Variants in PHB2 observed in about 807,000 individuals in gnomAD.
The protein encoded by PHB2 is prohibitin-2.
In PHB2, 22 loss-of-function variants were observed where a neutral mutation model predicts 46.4. The observed-to-expected ratio is 0.47, with a 90% CI of 0.34 to 0.68. PHB2 has a LOEUF of 0.68. PHB2 is among the 30% of genes least tolerant of loss of function. The probability of loss-of-function intolerance (pLI) is 0.01; values close to 1 mark genes in which losing one functional copy is unlikely to be tolerated. For missense variants in PHB2, 305 were observed against 382.8 expected (o/e 0.80, Z 1.70); for synonymous variants, 156 against 150.5 (o/e 1.04, Z -0.27).
intron 2 of PHB2, 193 bp downstream of exon 2, chr12:6,970,003 A>T: frequency 1.4e-6 from 1 of 702,724 alleles, no homozygotes. Flanking sequence ...ACAAGGAGAG[A>T]TTCTCTTGTC....
At position 6,967,320 on chromosome 12, in the gene PHB2, C is replaced by G. The variant is rs2138302319; in HGVS notation, c.712-72G>C. The G allele has an allele frequency of 6.2e-7, 1 of 1,611,632 alleles. No homozygotes were observed. Among genetic ancestry groups the G allele is most frequent in the Non-Finnish European group, 8.5e-7 (1 of 1,178,292 alleles). ...CCTGTCCTTACCACACTCCCTTGCTCCAGTCCTCCTCTGGGCTGTCAGATC... is the reference window on the plus strand; with the variant it reads ...CCTGTCCTTACCACACTCCCTTGCTGCAGTCCTCCTCTGGGCTGTCAGATC... On this transcript the variant is annotated intron_variant, in intron 6 of 9. Transcript: ENST00000535923. The surrounding 1 kb of genome is among the most constrained non-coding windows in gnomAD (Gnocchi z 4.9).
chr12:6,968,231 G>A (rs1555151233), intron 4 of PHB2, among the ~76,000 whole-genome samples, 180 bp downstream of exon 4: 2 of 152,192 alleles, frequency 1.3e-5, no homozygotes, highest in African/African-American at 2.4e-5. Flanking sequence ...TCCTAACACC[G>A]AGTGCTATCG....
intron 4 of PHB2, 143 bp from the exon 5 acceptor site, chr12:6,968,164 C>G (rs1369564120): frequency 8.5e-6 from 7 of 822,064 alleles, no homozygotes; most frequent in Admixed American, 2.9e-5. Flanking sequence ...GTAACATAAG[C>G]CTCTCTGCTC....
chr12:6,970,733 C>T (rs782477805), upstream of PHB2: 362 of 937,286 alleles, frequency 3.9e-4, 4 homozygotes, highest in South Asian at 4.6e-3. Flanking sequence ...GAACTTCGCG[C>T]ACAGGAATCG....
intron 2 of PHB2, 77 bp downstream of exon 2, chr12:6,970,119 G>A: frequency 9.4e-7 from 1 of 1,060,250 alleles, no homozygotes; most frequent in Non-Finnish European, 1.5e-6. Flanking sequence ...GAATCCTGTT[G>A]CACGTCCGAC....
intron 8 of PHB2, 96 bp from the exon 9 acceptor site, chr12:6,966,012 T>A: frequency 7.6e-7 from 1 of 1,316,616 alleles, no homozygotes; most frequent in Non-Finnish European, 1.1e-6. Flanking sequence ...GAACCCTCCT[T>A]TGCTCCCAAG....
rs1946213765 is a variant in PHB2, at chr12:6,966,504, C to T, written c.790-4G>A. 6.3e-7 allele frequency: 1 copy of T among 1,593,990 alleles called. No homozygotes were observed. Among genetic ancestry groups the T allele is most frequent in the Non-Finnish European group, 8.6e-7 (1 of 1,161,566 alleles). On this transcript the variant is annotated splice_region_variant and splice_polypyrimidine_tract_variant and intron_variant, in intron 7 of 9. Coordinates refer to ENST00000535923, the MANE Select transcript of PHB2 (RefSeq NM_001144831.2). The stretch of plus-strand genomic sequence containing the variant: ...TACGATTCTGTGATGTGGCGATCTA[C>T]AGGGCAGGAAATAAGACAGATGCTT...
intron 3 of PHB2, chr12:6,968,857 C>G: frequency 4.0e-6 from 2 of 503,466 alleles, no homozygotes; most frequent in African/African-American, 1.9e-5. Context: ...TGTGCAACCT[C>G]TAACGTGGGC....
rs868934123 is a variant in PHB2, at chr12:6,968,122, T to C, written c.478-101A>G. 5.1e-5 allele frequency: 54 copies of C among 1,065,938 alleles called. No individual in the cohort carries two copies. In the South Asian group the frequency reaches 7.0e-4, roughly 14 times the overall value. The allele number at this position is 1,065,938 out of a possible 1,614,324, so 66.0% of individuals were successfully genotyped here. A position where few individuals can be genotyped will look rare whatever the true frequency, so the allele number is the denominator to read the frequency against. On this transcript the variant is annotated intron_variant, in intron 4 of 9. Coordinates refer to ENST00000535923, the MANE Select transcript of PHB2 (RefSeq NM_001144831.2). ...CTAACCCTTCACTCTCAATACAACA[T>C]GCACTGCCTTAGCTTCCTGTCAGGC...
upstream of PHB2, chr12:6,970,711 C>T: frequency 1.0e-6 from 1 of 954,608 alleles, no homozygotes; most frequent in Non-Finnish European, 1.5e-6. Flanking sequence ...CCCCTTAGCC[C>T]ACTACGGACC....
At position 6,967,184 on chromosome 12, in the gene PHB2, T is replaced by C. The variant is rs781904815; in HGVS notation, c.776A>G (p.Asn259Ser). ...IKLRKIRAAQ[N>S]ISKTIATSQN... is the part of the protein sequence containing the mutation. The stretch of plus-strand genomic sequence containing the variant: ...TGACACACTCACCGTCTTGGAGATA[T>C]TCTGGGCTGCTCGAATCTTGCGAAG... Residue 259 changes from asparagine (N) to serine (S), a missense_variant, in exon 7 of 10, where the codon AAT (asparagine) becomes AGT (serine). Asn to Ser is a conservative substitution (Grantham distance 46). Coordinates refer to ENST00000535923, the MANE Select transcript of PHB2 (RefSeq NM_001144831.2). This position sits in a 1 kb window ranked among gnomAD's most constrained non-coding sequence, Gnocchi z 4.9. 1.3e-6 allele frequency: 2 copies of C among 1,582,044 alleles called. No individual in the cohort carries two copies. Among genetic ancestry groups the C allele is most frequent in the Non-Finnish European group, 1.7e-6 (2 of 1,163,256 alleles).
At position 6,970,604 on chromosome 12, in the gene PHB2, C is replaced by T. The variant is rs782071499; in HGVS notation, c.-61G>A. 3 of 1,545,754 alleles carry T rather than the reference C, an allele frequency of 1.9e-6. No homozygotes were observed. The highest frequency in any genetic ancestry group is 1.2e-5 in the South Asian group (1 of 81,626). On this transcript the variant is annotated 5_prime_UTR_variant, in exon 1 of 10. Transcript: ENST00000535923. ...AGGGGGTGCCGGCCCGCCTCTACCC[C>T]GCTCCGGCTTAGGTACTGCACCCTT...
In PHB2 at chr12:6,967,788, GGA is replaced by G; in HGVS notation, c.608-11_608-10del. The G allele has an allele frequency of 2.5e-6, 4 of 1,612,334 alleles. No individual in the cohort carries two copies. The highest frequency in any genetic ancestry group is 3.4e-6 in the Non-Finnish European group (4 of 1,178,826). ...CTGGGCCTCCTGCTGGGCTGTGGTG[GGA>G]GAGAGTCAGGGAGACCCTGTCCTGG... On this transcript the variant is annotated splice_polypyrimidine_tract_variant and intron_variant, in intron 5 of 9. Coordinates refer to ENST00000535923, the MANE Select transcript of PHB2 (RefSeq NM_001144831.2). The surrounding 1 kb of genome is among the most constrained non-coding windows in gnomAD (Gnocchi z 4.9).
rs1946234562 is a variant in PHB2 at position 6,967,460 on chromosome 12, C to T, written c.712-212G>A. 1 of 1,087,546 alleles carries T rather than the reference C, an allele frequency of 9.2e-7. No homozygotes were observed. Among genetic ancestry groups the T allele is most frequent in the African/African-American group, 1.5e-5 (1 of 64,986 alleles). The allele number at this position is 1,087,546 out of a possible 1,614,324, so 67.4% of individuals were successfully genotyped here. A position where few individuals can be genotyped will look rare whatever the true frequency, so the allele number is the denominator to read the frequency against. On this transcript the variant is annotated intron_variant, in intron 6 of 9. Transcript: ENST00000535923. The surrounding 1 kb of genome is among the most constrained non-coding windows in gnomAD (Gnocchi z 4.9). ...GCACCAGAAATGAAGGCAAGGCCAC[C>T]AATGCTATTGATCTGGCCTTACAGT...
In PHB2 at chr12:6,965,896, GCAA is replaced by G. The variant is rs1565589050; in HGVS notation, c.872+12_872+14del. ...AGGTGGCCTGCAGGACCCCACAGAA[GCAA>G]CAACAGCTTACCTTCCCCTGTGGTG... On this transcript the variant is annotated intron_variant, in intron 9 of 9. Coordinates refer to ENST00000535923, the MANE Select transcript of PHB2 (RefSeq NM_001144831.2). 1.3e-6 allele frequency: 2 copies of G among 1,598,990 alleles called. No homozygotes were observed. Among genetic ancestry groups the G allele is most frequent in the Admixed American group, 1.7e-5 (1 of 59,908 alleles).
chr12:6,968,211 CCT>C (rs1390780714), intron 4 of PHB2, among the ~76,000 whole-genome samples, 190 bp from the exon 5 acceptor site: 6 of 152,238 alleles, frequency 3.9e-5, no homozygotes, highest in Admixed American at 1.3e-4. Context: ...TGGCCATTTT[CCT>C]CTGTGCTTCC....
chr12:6,968,180 GGTGCAGGAAAAGCCAAGA>G (rs1946248358), intron 4 of PHB2, among the ~76,000 whole-genome samples, 159 bp from the exon 5 acceptor site: 1 of 152,218 alleles, frequency 6.6e-6, no homozygotes, highest in African/African-American at 2.4e-5. Flanking sequence ...TGCTCGAAGA[GGTGCAGGAAAAGCCAAGA>G]CTTGGCCATT....
chr12:6,970,370 T>G (rs781916291), intron 1 of PHB2, 47 bp downstream of exon 1: 143 of 1,604,150 alleles, frequency 8.9e-5, no homozygotes, highest in Non-Finnish European at 1.1e-4. Context: ...GCAAGGGGTT[T>G]GGGGGAGGGA....
Position 6,968,107 on chromosome 12 carries a change from ACT to A in PHB2, c.478-88_478-87del, listed in dbSNP as rs1313229470. ...GGAAGGTTGCGACCCCTAACCCTTC[ACT>A]CTCAATACAACATGCACTGCCTTAG... On this transcript the variant is annotated intron_variant, in intron 4 of 9. Transcript: ENST00000535923. The A allele has an allele frequency of 5.8e-6, 7 of 1,198,232 alleles. No homozygotes were observed. The Admixed American group carries it at 1.3e-4, about 22-fold the overall frequency. The allele number at this position is 1,198,232 out of a possible 1,614,324, so 74.2% of individuals were successfully genotyped here.
Sources: gnomAD v4.1 joint callset for allele counts (sites outside exome capture counted in the v4.1 genomes callset) on GRCh38, gnomAD v4.1.1 for gene constraint, Gnocchi (gnomAD v3.1) non-coding constraint, MANE v1.5 for transcripts, NCBI Gene and HGNC (gene_info 2026-07-23, HGNC 2026-07-21) for gene names.